The following SNX17 variants were observed in gnomAD, a reference collection of about 807,000 sequenced individuals.
SNX17 encodes sorting nexin-17.
SNX17 carries 35 observed loss-of-function variants against 64.3 expected under a neutral mutation model. That is an observed-to-expected ratio of 0.54 (90% CI 0.42 to 0.72). The LOEUF (loss-of-function observed/expected upper bound fraction) is 0.72, where lower values mean the gene tolerates loss of function less well. Among genes scored for constraint, SNX17 ranks in the 30% least tolerant of loss-of-function variants. The pLI is 0.00. For missense variants in SNX17, 538 were observed against 610.0 expected (o/e 0.88, Z 1.24); for synonymous variants, 259 against 230.2 (o/e 1.13, Z -1.13).
In SNX17 at chr2:27,370,652, C is replaced by G; in HGVS notation, c.-92C>G. 1 of 1,469,236 alleles carries G rather than the reference C, an allele frequency of 6.8e-7. No homozygotes were observed. Among genetic ancestry groups the G allele is most frequent in the South Asian group, 1.4e-5 (1 of 72,852 alleles). 91.0% of individuals were successfully genotyped at this position (1,469,236 alleles called of 1,614,324 possible). The stretch of plus-strand genomic sequence containing the variant: ...AGGGCTCCCAAAATGGCGAGTGAGG[C>G]TGCGGGGACTCGCTGAGCAGCGGAG... On this transcript the variant is annotated 5_prime_UTR_variant, in exon 1 of 15. Transcript: ENST00000233575.
In SNX17 at chr2:27,372,688, T is replaced by C. The variant is rs1338714923; in HGVS notation, c.204T>C (p.Thr68=). 6.2e-7 allele frequency: 1 copy of C among 1,614,088 alleles called. No individual in the cohort carries two copies. The highest frequency in any genetic ancestry group is 1.3e-5 in the African/African-American group (1 of 74,930). ...CCCCAAAGAAGCTTTTCTCTCTGAC[T>C]CCTGCTGAGGTAGAACAGAGGAGAG... ...AFPPKKLFSL[T]PAEVEQRREQ... is the part of the protein sequence containing the mutation. The change falls in exon 3 of 15, where the codon ACT becomes ACC. Residue 68 remains threonine (T), a synonymous_variant. Coordinates refer to ENST00000233575, the MANE Select transcript of SNX17 (RefSeq NM_014748.4).
At chr2:27,371,553 C>G (rs1241875922) in intron 2 of SNX17, 2 of 1,092,160 alleles carry the variant, frequency 1.8e-6, no homozygotes, top group East Asian at 3.3e-5. Context: ...CCTTCCTGTT[C>G]TTATATTCTG....
In SNX17 at chr2:27,376,800, G is replaced by A. The variant is rs1477451328; in HGVS notation, c.*81G>A. 8.4e-7 allele frequency: 1 copy of A among 1,189,908 alleles called. No homozygotes were observed. The highest frequency in any genetic ancestry group is 2.0e-5 in the Admixed American group (1 of 50,952). 73.7% of individuals were successfully genotyped at this position (1,189,908 alleles called of 1,614,324 possible). A position where few individuals can be genotyped will look rare whatever the true frequency, so the allele number is the denominator to read the frequency against. On this transcript the variant is annotated 3_prime_UTR_variant, in exon 15 of 15. Transcript: ENST00000233575. ...CTGTGCCTGTGTCCCCCATGCTAGG[G>A]GCGGAGGGGTCTTTTCCTTCTTCTT... is the stretch of plus-strand genomic sequence containing the variant.
Position 27,370,721 on chromosome 2 carries a change from G to A in SNX17, c.-23G>A. On this transcript the variant is annotated 5_prime_UTR_variant, in exon 1 of 15. Coordinates refer to ENST00000233575, the MANE Select transcript of SNX17 (RefSeq NM_014748.4). ...CTGCGGCCCTCACAGTCCGGAGCCC[G>A]GCCGTGCCGTGCCGTAGGGAACATG... 3 of 1,543,140 alleles carry A rather than the reference G, an allele frequency of 1.9e-6. No homozygotes were observed. Among genetic ancestry groups the A allele is most frequent in the Non-Finnish European group, 2.6e-6 (3 of 1,142,220 alleles).
rs1270187202 is a variant in SNX17 at position 27,371,350 on chromosome 2, C to T, written c.138+7C>T. ...CCTGGGGCTGCACGAGCAGGTGGGA[C>T]TAGCACCCCTGCCTTGAGACAGCTT... On this transcript the variant is annotated splice_region_variant and intron_variant, in intron 2 of 14. Transcript: ENST00000233575. The T allele has an allele frequency of 1.2e-6, 2 of 1,609,228 alleles. No individual in the cohort carries two copies. Among genetic ancestry groups the T allele is most frequent in the Non-Finnish European group, 8.5e-7 (1 of 1,178,766 alleles).
rs765884371 is a variant in SNX17, at chr2:27,372,605, A to C, written c.139-18A>C. 14 of 1,614,178 alleles carry C rather than the reference A, an allele frequency of 8.7e-6. No individual in the cohort carries two copies. Among genetic ancestry groups the C allele is most frequent in the Non-Finnish European group, 1.2e-5 (14 of 1,180,006 alleles). On this transcript the variant is annotated intron_variant, in intron 2 of 14. Transcript: ENST00000233575. ...TTTCTGTGTTTATGTGAAGGGTTGT[A>C]TCTCTTTCTCTAAATAGCTTCGGAA...
rs779507983 is a variant in SNX17, at chr2:27,376,702, G to C, written c.1396G>C (p.Gly466Arg). ...VHGNFAFEGI[G>R]DEDL ...CGGCAATTTCGCCTTCGAGGGCATT[G>C]GAGATGAGGATCTGTAATCTCCACT... Residue 466 changes from glycine (G) to arginine (R), a missense_variant, in exon 15 of 15, where the codon GGA (glycine) becomes CGA (arginine). Physicochemically the swap from Gly to Arg is moderately radical, Grantham distance 125. Coordinates refer to ENST00000233575, the MANE Select transcript of SNX17 (RefSeq NM_014748.4). The C allele has an allele frequency of 7.4e-6, 12 of 1,614,054 alleles. No homozygotes were observed. Among genetic ancestry groups the C allele is most frequent in the Non-Finnish European group, 1.0e-5 (12 of 1,179,936 alleles).
Position 27,372,642 on chromosome 2 carries a change from C to CCAAT in SNX17, c.159_162dup (p.Val55GlnfsTer18). The CCAAT allele has an allele frequency of 6.2e-7, 1 of 1,614,178 alleles. No homozygotes were observed. Reference sequence around the variant, plus strand: ...AAATAGCTTCGGAAGGAGTATGGGGCCAATGTGCTTCCTGCATTCCCCCCA... The same window carrying CCAAT: ...AAATAGCTTCGGAAGGAGTATGGGGCCAATCAATGTGCTTCCTGCATTCCCCCCA... On this transcript the variant is annotated frameshift_variant, in exon 3 of 15. Coordinates refer to ENST00000233575, the MANE Select transcript of SNX17 (RefSeq NM_014748.4). LOFTEE classifies it high-confidence loss of function.
At chr2:27,374,269 G>A (rs1040246425) in intron 6 of SNX17, 77 bp from the exon 7 acceptor site, 1 of 1,046,586 alleles carries the variant, frequency 9.6e-7, no homozygotes, top group Non-Finnish European at 1.5e-6. Context: ...AATGAACATT[G>A]CCTCAGGGCA....
Position 27,372,538 on chromosome 2 carries a change from C to G in SNX17, c.139-85C>G, listed in dbSNP as rs551133719. 10 of 1,598,896 alleles carry G rather than the reference C, an allele frequency of 6.3e-6. No homozygotes were observed. The Admixed American group carries it at 1.7e-4, about 27-fold the overall frequency. ...AGGGACTGAGGGAAGGGAGGGGCACCCAAGAGAACATTATGAGCATATGTA... is the reference window on the plus strand; with the variant it reads ...AGGGACTGAGGGAAGGGAGGGGCACGCAAGAGAACATTATGAGCATATGTA... On this transcript the variant is annotated intron_variant, in intron 2 of 14. Coordinates refer to ENST00000233575, the MANE Select transcript of SNX17 (RefSeq NM_014748.4).
At position 27,375,695 on chromosome 2, in the gene SNX17, C is replaced by T; in HGVS notation, c.964C>T (p.Arg322Trp). 3 of 1,613,948 alleles carry T rather than the reference C, an allele frequency of 1.9e-6. No individual in the cohort carries two copies. Among genetic ancestry groups the T allele is most frequent in the Middle Eastern group, 1.6e-4 (1 of 6,062 alleles). ...SFRVTRMRCW[R>W]VTSSVPLPSG... Reference sequence around the variant, plus strand: ...CCGGGTCACCCGCATGCGATGCTGGCGGGTCACCTCCTCTGTGAGTCGGGT... The same window carrying T: ...CCGGGTCACCCGCATGCGATGCTGGTGGGTCACCTCCTCTGTGAGTCGGGT... The change falls in exon 10 of 15, where the codon CGG becomes TGG. Residue 322 changes from arginine (R) to tryptophan (W), a missense_variant. Arg to Trp is a moderately radical substitution (Grantham distance 101, BLOSUM62 -3). Around this residue, in one of 3 missense-constraint regions of SNX17, gnomAD observed 505 missense variants for 550.4 expected, o/e 0.92. Transcript: ENST00000233575. This position sits in a 1 kb window ranked among gnomAD's most constrained non-coding sequence, Gnocchi z 4.1.
Position 27,375,359 on chromosome 2 carries a change from T to C in SNX17, c.775-147T>C. 1 of 908,090 alleles carries C rather than the reference T, an allele frequency of 1.1e-6. No individual in the cohort carries two copies. Among genetic ancestry groups the C allele is most frequent in the Non-Finnish European group, 1.7e-6 (1 of 588,600 alleles). The allele number at this position is 908,090 out of a possible 1,614,324, so 56.3% of individuals were successfully genotyped here. On this transcript the variant is annotated intron_variant, in intron 9 of 14. Transcript: ENST00000233575. The surrounding 1 kb of genome is among the most constrained non-coding windows in gnomAD (Gnocchi z 4.1). ...TTCACCATGTTAGCCAGGATGGTCTTGAGCTCCTGACCTTGTGATCTGTCT... is the reference window on the plus strand; with the variant it reads ...TTCACCATGTTAGCCAGGATGGTCTCGAGCTCCTGACCTTGTGATCTGTCT...
chr2:27,377,124 G>T lies in SNX17; in HGVS notation c.*405G>T, dbSNP rs1488868856. On this transcript the variant is annotated 3_prime_UTR_variant, in exon 15 of 15. Coordinates refer to ENST00000233575, the MANE Select transcript of SNX17 (RefSeq NM_014748.4). This position sits in a 1 kb window ranked among gnomAD's most constrained non-coding sequence, Gnocchi z 4.4. Reference sequence around the variant, plus strand: ...CATCATTAAACTCAGCCTGACTGCTGCCTACCTCTGGTTCCCTCTCACTGC... The same window carrying T: ...CATCATTAAACTCAGCCTGACTGCTTCCTACCTCTGGTTCCCTCTCACTGC... 4.9e-6 allele frequency: 2 copies of T among 408,440 alleles called. No individual in the cohort carries two copies. Among genetic ancestry groups the T allele is most frequent in the African/African-American group, 4.1e-5 (2 of 49,002 alleles). 25.3% of individuals were successfully genotyped at this position (408,440 alleles called of 1,614,324 possible). A position where few individuals can be genotyped will look rare whatever the true frequency, so the allele number is the denominator to read the frequency against.
At chr2:27,374,632 C>T in intron 7 of SNX17, 57 bp from the exon 8 acceptor site, 3 of 1,543,002 alleles carry the variant, frequency 1.9e-6, no homozygotes, top group South Asian at 1.1e-5. Flanking sequence ...TTCCATTCTA[C>T]CTCTTGCCTT....
intron 7 of SNX17, 49 bp downstream of exon 7, chr2:27,374,482 T>C: frequency 1.3e-6 from 2 of 1,518,826 alleles, no homozygotes; most frequent in Non-Finnish European, 1.8e-6. Flanking sequence ...TGTGCTGGAT[T>C]GGATTATTGG....
At position 27,376,833 on chromosome 2, in the gene SNX17, T is replaced by A; in HGVS notation, c.*114T>A. 1 of 844,466 alleles carries A rather than the reference T, an allele frequency of 1.2e-6. No individual in the cohort carries two copies. The highest frequency in any genetic ancestry group is 1.9e-6 in the Non-Finnish European group (1 of 530,322). 52.3% of individuals were successfully genotyped at this position (844,466 alleles called of 1,614,324 possible). Reference sequence around the variant, plus strand: ...GGTCTTTTCCTTCTTCTTTCCTACCTACCCCTTTTCTCTTGGCCAGGGGCC... The same window carrying A: ...GGTCTTTTCCTTCTTCTTTCCTACCAACCCCTTTTCTCTTGGCCAGGGGCC... On this transcript the variant is annotated 3_prime_UTR_variant, in exon 15 of 15. Coordinates refer to ENST00000233575, the MANE Select transcript of SNX17 (RefSeq NM_014748.4).
intron 8 of SNX17, 110 bp from the exon 9 acceptor site, chr2:27,374,951 G>A (rs1683019040): frequency 9.4e-7 from 1 of 1,060,290 alleles, no homozygotes; most frequent in Non-Finnish European, 1.4e-6. Flanking sequence ...ACTGCAGAGA[G>A]GTCGCTCAAG....
At chr2:27,372,983 A>C (rs758056798) in intron 3 of SNX17, 412 of 1,459,032 alleles carry the variant, frequency 2.8e-4, no homozygotes, top group Non-Finnish European at 3.4e-4. Context: ...ATATCAGTGG[A>C]GAGAACTTAA....
intron 6 of SNX17, 45 bp from the exon 7 acceptor site, chr2:27,374,301 C>G: frequency 6.3e-7 from 1 of 1,581,756 alleles, no homozygotes; most frequent in Non-Finnish European, 8.7e-7. Context: ...ATTTCCCTTC[C>G]TTTAAATCTC....
Sources: allele counts gnomAD v4.1 joint callset, GRCh38; gene constraint gnomAD v4.1.1; regional missense constraint gnomAD v4.1.1; non-coding constraint Gnocchi (gnomAD v3.1); transcripts MANE v1.5; gene names NCBI Gene and HGNC (gene_info 2026-07-23, HGNC 2026-07-21).